The following EMB variants were observed in gnomAD, a reference collection of about 807,000 sequenced individuals.
EMB encodes the protein embigin, also known as embigin homolog.
A neutral mutation model predicts 41.4 loss-of-function variants in EMB; 31 were observed. The observed-to-expected ratio is 0.75, with a 90% CI of 0.56 to 1.01. EMB has a LOEUF of 1.01. Ranked by LOEUF, EMB falls within the 50% of genes least tolerant of loss-of-function variation. The pLI is 0.00. For missense variants in EMB, 379 were observed against 388.3 expected (o/e 0.98, Z 0.20); for synonymous variants, 137 against 140.4 (o/e 0.98, Z 0.17).
intron 1 of EMB, among the ~76,000 whole-genome samples, chr5:50,434,676 G>A (rs914923653): frequency 6.6e-6 from 1 of 152,038 alleles, no homozygotes; most frequent in South Asian, 2.1e-4. Flanking sequence ...TTGGGATTAG[G>A]GACACATTAG....
intron 2 of EMB, among the ~76,000 whole-genome samples, chr5:50,421,813 C>T (rs1222289036): frequency 6.7e-6 from 1 of 149,354 alleles, no homozygotes; most frequent in Non-Finnish European, 1.5e-5. Context: ...CCAAACACCA[C>T]ACGTTCTCAC....
intron 2 of EMB, among the ~76,000 whole-genome samples, chr5:50,423,532 C>CT (rs2111833087): frequency 6.6e-6 from 1 of 152,288 alleles, no homozygotes; most frequent in East Asian, 1.9e-4. Flanking sequence ...TCTAATCCTA[C>CT]TGCTCCTTAG....
intron 2 of EMB, among the ~76,000 whole-genome samples, chr5:50,424,267 T>A (rs1461080966): frequency 6.6e-6 from 1 of 152,192 alleles, no homozygotes; most frequent in Non-Finnish European, 1.5e-5. Flanking sequence ...GTTTTCAGAT[T>A]TTCTAATTTA....
chr5:50,425,035 G>A (rs774410940), intron 2 of EMB, among the ~76,000 whole-genome samples: 15 of 151,968 alleles, frequency 9.9e-5, no homozygotes. Context: ...AGTTTGATGA[G>A]TACCTCTGAA....
rs1458388448 is a variant in EMB, at chr5:50,398,288, A to G, written c.*985T>C. 2.6e-5 allele frequency: 4 copies of G among 151,974 alleles called. No homozygotes were observed. Among genetic ancestry groups the G allele is most frequent in the African/African-American group, 9.7e-5 (4 of 41,396 alleles). The allele number at this position is 151,974 out of a possible 1,614,324, so 9.4% of individuals were successfully genotyped here. ...ATATGCAATAGAAACGAAGTATCCT[A>G]TTTTGGAAGATAAGTCTAAGGCATT... On this transcript the variant is annotated 3_prime_UTR_variant, in exon 9 of 9. Transcript: ENST00000303221.
chr5:50,420,174 A>G (rs1362387980), intron 2 of EMB, among the ~76,000 whole-genome samples: 1 of 152,194 alleles, frequency 6.6e-6, no homozygotes, highest in Non-Finnish European at 1.5e-5. Context: ...CATGTACCCC[A>G]GAATTTAAAA....
At chr5:50,399,769 A>G in intron 8 of EMB, 90 bp downstream of exon 8, 16 of 1,011,930 alleles carry the variant, frequency 1.6e-5, no homozygotes, top group Non-Finnish European at 2.4e-5. Flanking sequence ...CAGATCTTTT[A>G]TGGAACTAAA....
rs1745173533 is a variant in EMB, at chr5:50,402,185, T to C, written c.911+101A>G. 18 of 1,242,998 alleles carry C rather than the reference T, an allele frequency of 1.4e-5. No homozygotes were observed. The South Asian group carries it at 2.2e-4, about 15-fold the overall frequency. 77.0% of individuals were successfully genotyped at this position (1,242,998 alleles called of 1,614,324 possible). On this transcript the variant is annotated intron_variant, in intron 7 of 8. Transcript: ENST00000303221. ...CCACGTGGACATATACAGAAAATAC[T>C]CCTCTGCCTTTTCTCCCCCTAACTG...
chr5:50,413,049 C>T (rs374536485), intron 2 of EMB, among the ~76,000 whole-genome samples: 247 of 152,162 alleles, frequency 1.6e-3, no homozygotes, highest in African/African-American at 5.8e-3. Flanking sequence ...ACAATACACA[C>T]ATACATACAC....
At chr5:50,428,576 A>G in intron 1 of EMB, 1 of 994,868 alleles carries the variant, frequency 1.0e-6, no homozygotes, top group Non-Finnish European at 1.2e-6. Flanking sequence ...AGAAAATGGA[A>G]AGATATGAAG....
At chr5:50,411,544 A>G (rs1407146496) in intron 2 of EMB, 161 bp from the exon 3 acceptor site, 2 of 530,170 alleles carry the variant, frequency 3.8e-6, no homozygotes, top group Non-Finnish European at 6.5e-6. Flanking sequence ...TCCCTTTCTT[A>G]TTCCCTTTTA....
intron 2 of EMB, among the ~76,000 whole-genome samples, chr5:50,427,834 G>A (rs749860711): frequency 1.3e-5 from 2 of 152,156 alleles, no homozygotes; most frequent in Non-Finnish European, 1.5e-5. Context: ...TGATGTAATG[G>A]ATGTACCAGC....
Position 50,405,753 on chromosome 5 carries a change from G to C in EMB, c.572C>G (p.Thr191Ser), listed in dbSNP as rs1365316038. The C allele has an allele frequency of 9.3e-6, 15 of 1,605,594 alleles. No individual in the cohort carries two copies. Among genetic ancestry groups the C allele is most frequent in the African/African-American group, 2.7e-5 (2 of 74,290 alleles). The change falls in exon 5 of 9, where the codon ACC becomes AGC. Residue 191 changes from threonine (T) to serine (S), a missense_variant. Coordinates refer to ENST00000303221, the MANE Select transcript of EMB (RefSeq NM_198449.3). ...TACACTCCCATTACTACTGTACCAG[G>C]TCCAATTTAAAGGAAAACAATTTTG... ...KCQNCFPLNW[T>S]WYSSNGSVKV...
intron 2 of EMB, among the ~76,000 whole-genome samples, chr5:50,424,951 T>C (rs1362065758): frequency 6.6e-6 from 1 of 152,182 alleles, no homozygotes; most frequent in Non-Finnish European, 1.5e-5. Context: ...CCCTCTTCCA[T>C]CTTTACTTTC....
intron 2 of EMB, among the ~76,000 whole-genome samples, chr5:50,413,253 A>C (rs988768884): frequency 5.3e-5 from 8 of 152,346 alleles, no homozygotes; most frequent in African/African-American, 1.9e-4. Context: ...TGAATAAAAA[A>C]GAAATCATAC....
At chr5:50,399,516 A>G (rs571815424) in intron 8 of EMB, among the ~76,000 whole-genome samples, 1 of 152,142 alleles carries the variant, frequency 6.6e-6, no homozygotes, top group Admixed American at 6.6e-5. Flanking sequence ...ATGGGAATAA[A>G]TGAAACTAAA....
chr5:50,404,968 T>C lies in EMB; in HGVS notation c.600+757A>G, dbSNP rs182309380. On this transcript the variant is annotated intron_variant, in intron 5 of 8. Transcript: ENST00000303221. Reference sequence around the variant, plus strand: ...TCTACACTGTCTCACATGTTCCTTCTACAATTATAGCTTGCCTTTAACGGG... The same window carrying C: ...TCTACACTGTCTCACATGTTCCTTCCACAATTATAGCTTGCCTTTAACGGG... Among the ~76,000 whole-genome samples the C allele has an allele frequency of 2.1e-3, 322 of 152,114 alleles. 2 individuals are homozygous for C. Among genetic ancestry groups the C allele is most frequent in the African/African-American group, 7.5e-3 (310 of 41,532 alleles).
intron 1 of EMB, 50 bp from the exon 2 acceptor site, chr5:50,428,277 C>T (rs370005235): frequency 3.3e-5 from 47 of 1,444,554 alleles, no homozygotes; most frequent in Non-Finnish European, 4.1e-5. Context: ...GAGTAAATGA[C>T]TATCTAAAAA....
In EMB at chr5:50,441,053, G is replaced by T. The variant is rs75391720; in HGVS notation, c.99C>A (p.Asp33Glu). 3.3e-6 allele frequency: 5 copies of T among 1,508,240 alleles called. No individual in the cohort carries two copies. Among genetic ancestry groups the T allele is most frequent in the Non-Finnish European group, 4.4e-6 (5 of 1,128,806 alleles). 93.4% of individuals were successfully genotyped at this position (1,508,240 alleles called of 1,614,324 possible). A position where few individuals can be genotyped will look rare whatever the true frequency, so the allele number is the denominator to read the frequency against. The change falls in exon 1 of 9, where the codon GAC becomes GAA. Residue 33 changes from aspartate (D) to glutamate (E), a missense_variant. By Grantham distance (45) the Asp-to-Glu change is conservative. Coordinates refer to ENST00000303221, the MANE Select transcript of EMB (RefSeq NM_198449.3). ...TACCCATCACACCTGGGGCACTGCCGTCCGCCGAGCTTGGGCGCGCGGCAG... is the reference window on the plus strand; with the variant it reads ...TACCCATCACACCTGGGGCACTGCCTTCCGCCGAGCTTGGGCGCGCGGCAG... ...LLAAARPSSADGSAPDSPFTS... is the reference protein window; with the variant it reads ...LLAAARPSSAEGSAPDSPFTS...
Sources: gnomAD v4.1 joint callset for allele counts (sites outside exome capture counted in the v4.1 genomes callset) on GRCh38, gnomAD v4.1.1 for gene constraint, MANE v1.5 for transcripts, NCBI Gene and HGNC (gene_info 2026-07-23, HGNC 2026-07-21) for gene names.